Variants in ZNF736 observed in about 807,000 individuals in gnomAD.
ZNF736 encodes the protein KRAB-containing zinc-finger repressor protein.
ZNF736 carries 6 observed loss-of-function variants against 11.7 expected under a neutral mutation model. That is an observed-to-expected ratio of 0.51 (90% confidence interval 0.28 to 1.01). The LOEUF (loss-of-function observed/expected upper bound fraction) is 1.01. Ranked by LOEUF, ZNF736 falls within the 50% of genes least tolerant of loss-of-function variation. ZNF736 has a pLI of 0.09. For synonymous variants in ZNF736, 139 were observed against 164.7 expected, an observed-to-expected ratio of 0.84 and a Z score of 1.19; for missense variants, 444 against 496.0, an observed-to-expected ratio of 0.90 and a Z score of 1.00.
intron 3 of ZNF736, among the ~76,000 whole-genome samples, chr7:64,346,507 A>T (rs10278641): frequency 0.09 from 13,487 of 150,150 alleles, 976 homozygotes; most frequent in African/African-American, 0.2. Context: ...TAACTATGTC[A>T]TCCTGTTCCC....
intron 1 of ZNF736, among the ~76,000 whole-genome samples, chr7:64,326,236 A>G (rs951174784): frequency 2.0e-5 from 3 of 152,232 alleles, no homozygotes; most frequent in African/African-American, 7.2e-5. Context: ...GGAGGTACAC[A>G]CAAGGCTTTA....
chr7:64,337,766 T>TTG (rs1554304638), intron 3 of ZNF736, among the ~76,000 whole-genome samples: 2,732 of 147,018 alleles, frequency 0.019, 28 homozygotes, highest in Admixed American at 0.03. Flanking sequence ...GTTTTTTTTT[T>TTG]TTTTTGAGAC....
At position 64,350,803 on chromosome 7, in the gene ZNF736, G is replaced by A. The variant is rs1297366473; in HGVS notation, c.*1656G>A. Reference sequence around the variant, plus strand: ...GTTTTGTTTTGTTTTGTTTTGTTTGGTGGTGGTGGTGGGTGGGCAATGCTC... The same window carrying A: ...GTTTTGTTTTGTTTTGTTTTGTTTGATGGTGGTGGTGGGTGGGCAATGCTC... On this transcript the variant is annotated 3_prime_UTR_variant, in exon 4 of 4. Coordinates refer to ENST00000423484, the MANE Select transcript of ZNF736 (RefSeq NM_001170905.3). 2.0e-5 allele frequency: 3 copies of A among 151,024 alleles called. No homozygotes were observed. Among genetic ancestry groups the A allele is most frequent in the Non-Finnish European group, 4.4e-5 (3 of 68,300 alleles). 9.4% of individuals were successfully genotyped at this position (151,024 alleles called of 1,614,324 possible).
chr7:64,345,083 G>A (rs991730866), intron 3 of ZNF736, among the ~76,000 whole-genome samples: 1 of 151,372 alleles, frequency 6.6e-6, no homozygotes, highest in African/African-American at 2.4e-5. Flanking sequence ...GAGTGCAGTG[G>A]CGCGATCTCG....
At chr7:64,319,305 GTGTATA>G (rs1370852694) in intron 1 of ZNF736, among the ~76,000 whole-genome samples, 5 of 137,248 alleles carry the variant, frequency 3.6e-5, no homozygotes, top group Admixed American at 7.7e-5. Context: ...ATGTGTGTGT[GTGTATA>G]TGTATGTGTG....
chr7:64,316,420 CT>C (rs781247597), intron 1 of ZNF736, among the ~76,000 whole-genome samples: 35 of 152,214 alleles, frequency 2.3e-4, no homozygotes, highest in Non-Finnish European at 2.8e-4. Context: ...TTCTCTCAGG[CT>C]TGTGAAGGAG....
intron 1 of ZNF736, among the ~76,000 whole-genome samples, chr7:64,317,935 T>C (rs927212591): frequency 1.3e-5 from 2 of 152,096 alleles, no homozygotes; most frequent in Middle Eastern, 3.4e-3. Flanking sequence ...TATTTTTTTT[T>C]CATCAAGAAA....
In ZNF736 at chr7:64,350,764, GT is replaced by G; in HGVS notation, c.*1625del. The G allele has an allele frequency of 1.4e-5, 1 of 69,590 alleles. No homozygotes were observed. The highest frequency in any genetic ancestry group is 3.4e-5 in the Non-Finnish European group (1 of 29,458). The allele number at this position is 69,590 out of a possible 1,614,324, so 4.3% of individuals were successfully genotyped here. ...AGCCAACAGGCTTTGTTCCTGGGAG[GT>G]TTTTTTTGTTTTGTTTTGTTTTGTT... On this transcript the variant is annotated 3_prime_UTR_variant, in exon 4 of 4. Coordinates refer to ENST00000423484, the MANE Select transcript of ZNF736 (RefSeq NM_001170905.3).
rs1463234017 is a variant in ZNF736 at position 64,333,757 on chromosome 7, C to G, written c.4-2502C>G. On this transcript the variant is annotated intron_variant, in intron 1 of 3. Coordinates refer to ENST00000423484, the MANE Select transcript of ZNF736 (RefSeq NM_001170905.3). ...TAGATTCGATGCTATTCCCATCAGG[C>G]TACCATTGATTTTCTTCGCAGAATT... 2.0e-5 allele frequency among the ~76,000 whole-genome samples: 3 copies of G among 152,040 alleles called. No homozygotes were observed. In the East Asian group the frequency reaches 5.8e-4, roughly 29 times the overall value.
At position 64,348,325 on chromosome 7, in the gene ZNF736, T is replaced by C; in HGVS notation, c.462T>C (p.Phe154=). 1 of 1,551,720 alleles carries C rather than the reference T, an allele frequency of 6.4e-7. No individual in the cohort carries two copies. Among genetic ancestry groups the C allele is most frequent in the Non-Finnish European group, 8.7e-7 (1 of 1,146,862 alleles). Reference sequence around the variant, plus strand: ...AATGTAATAAATGTGGCAGAGGTTTTCAGTTGTGCTCAATCTTCACTGAAC... The same window carrying C: ...AATGTAATAAATGTGGCAGAGGTTTCCAGTTGTGCTCAATCTTCACTGAAC... ...TCQCNKCGRG[F]QLCSIFTEHK... The change falls in exon 4 of 4, where the codon TTT becomes TTC. Residue 154 remains phenylalanine, a synonymous_variant. Coordinates refer to ENST00000423484, the MANE Select transcript of ZNF736 (RefSeq NM_001170905.3).
intron 1 of ZNF736, among the ~76,000 whole-genome samples, chr7:64,314,700 G>C (rs1788886774): frequency 6.6e-6 from 1 of 152,142 alleles, no homozygotes; most frequent in Non-Finnish European, 1.5e-5. Context: ...AAGTAGCTAG[G>C]ACTAGAGGGG....
chr7:64,342,729 A>G (rs1335243393), intron 3 of ZNF736, among the ~76,000 whole-genome samples: 1 of 152,096 alleles, frequency 6.6e-6, no homozygotes, highest in African/African-American at 2.4e-5. Context: ...ATGTTGTATA[A>G]AAGGTAAACT....
chr7:64,336,444 A>T, intron 2 of ZNF736, 59 bp downstream of exon 2: 1 of 1,469,504 alleles, frequency 6.8e-7, no homozygotes, highest in Non-Finnish European at 9.0e-7. Flanking sequence ...TTTTCTTCTG[A>T]TTTTTTTGGA....
intron 3 of ZNF736, among the ~76,000 whole-genome samples, chr7:64,344,191 C>G (rs921665451): frequency 6.6e-6 from 1 of 152,080 alleles, no homozygotes; most frequent in Non-Finnish European, 1.5e-5. Context: ...AATCCCAGCT[C>G]CTGCAGAGGC....
intron 3 of ZNF736, among the ~76,000 whole-genome samples, chr7:64,337,755 G>GTTTTTT (rs147991832): frequency 5.8e-5 from 5 of 86,256 alleles, no homozygotes; most frequent in African/African-American, 6.5e-5. Flanking sequence ...TGTTTTTTTT[G>GTTTTTT]GTTTTTTTTT....
rs1347242047 is a variant in ZNF736 at position 64,324,596 on chromosome 7, C to G, written c.3+10443C>G. Among the ~76,000 whole-genome samples, 4 of 152,312 alleles carry G rather than the reference C, an allele frequency of 2.6e-5. No individual in the cohort carries two copies. The East Asian group carries it at 5.8e-4, about 22-fold the overall frequency. On this transcript the variant is annotated intron_variant, in intron 1 of 3. Coordinates refer to ENST00000423484, the MANE Select transcript of ZNF736 (RefSeq NM_001170905.3). ...CTCTTAGGACAAATCTCCATGCTCA[C>G]ATTTCAGCCAGATACAAGTGCCTAG...
At chr7:64,337,918 C>T (rs1298198317) in intron 3 of ZNF736, among the ~76,000 whole-genome samples, 1 of 151,910 alleles carries the variant, frequency 6.6e-6, no homozygotes, top group Non-Finnish European at 1.5e-5. Flanking sequence ...CCACACCCGG[C>T]TAATTTTGTA....
intron 1 of ZNF736, among the ~76,000 whole-genome samples, chr7:64,322,303 C>A (rs1194606440): frequency 6.6e-6 from 1 of 152,068 alleles, no homozygotes; most frequent in Non-Finnish European, 1.5e-5. Context: ...GATAGAACAT[C>A]AATTTTTATA....
At position 64,353,971 on chromosome 7, in the gene ZNF736, T is replaced by C. The variant is rs1789523462; in HGVS notation, c.*4824T>C. 1 of 152,224 alleles carries C rather than the reference T, an allele frequency of 6.6e-6. No homozygotes were observed. Among genetic ancestry groups the C allele is most frequent in the African/African-American group, 2.4e-5 (1 of 41,464 alleles). 9.4% of individuals were successfully genotyped at this position (152,224 alleles called of 1,614,324 possible). On this transcript the variant is annotated 3_prime_UTR_variant, in exon 4 of 4. Coordinates refer to ENST00000423484, the MANE Select transcript of ZNF736 (RefSeq NM_001170905.3). Reference sequence around the variant, plus strand: ...GTATCTTGCCACTGATGTTAACTTATCCCATCTTACCCAAGGTTGTAGGTA... The same window carrying C: ...GTATCTTGCCACTGATGTTAACTTACCCCATCTTACCCAAGGTTGTAGGTA...
Sources: allele counts gnomAD v4.1 joint callset (sites outside exome capture counted in the v4.1 genomes callset), GRCh38; gene constraint gnomAD v4.1.1; transcripts MANE v1.5; gene names NCBI Gene and HGNC (gene_info 2026-07-23, HGNC 2026-07-21).